The following DOCK4 variants were observed in gnomAD, a reference collection of about 807,000 sequenced individuals.
DOCK4 encodes dedicator of cytokinesis protein 4.
Under a neutral mutation model 268.1 loss-of-function variants are expected in DOCK4, and 97 were observed. That is an observed-to-expected ratio of 0.36 (90% CI 0.31 to 0.43). The LOEUF (loss-of-function observed/expected upper bound fraction) is 0.43, where lower values mean the gene tolerates loss of function less well. Among genes scored for constraint, DOCK4 ranks in the 20% least tolerant of loss-of-function variants. DOCK4 has a pLI of 1.00. For missense variants in DOCK4, 2,145 were observed against 2,455.7 expected (o/e 0.87, Z 2.67); for synonymous variants, 954 against 887.2 (o/e 1.08, Z -1.34).
intron 1 of DOCK4, among the ~76,000 whole-genome samples, chr7:112,141,006 C>T (rs574303903): frequency 6.6e-6 from 1 of 152,210 alleles, no homozygotes; most frequent in Non-Finnish European, 1.5e-5. Flanking sequence ...CTCCAAAACC[C>T]AGAGTCTACA....
chr7:111,974,326 A>G (rs1048371274), intron 8 of DOCK4, among the ~76,000 whole-genome samples: 15 of 152,092 alleles, frequency 9.9e-5, no homozygotes, highest in Non-Finnish European at 8.8e-5. Context: ...TCTAGTAAGC[A>G]TATATTGTGA....
intron 8 of DOCK4, among the ~76,000 whole-genome samples, chr7:111,968,827 T>C (rs1797450591): frequency 2.0e-5 from 1 of 51,002 alleles, no homozygotes; most frequent in Non-Finnish European, 3.2e-5. Flanking sequence ...CCAACAATGA[T>C]AGACTGGATT....
intron 1 of DOCK4, among the ~76,000 whole-genome samples, chr7:112,196,663 G>A (rs541603569): frequency 6.6e-6 from 1 of 152,200 alleles, no homozygotes; most frequent in Non-Finnish European, 1.5e-5. Context: ...AAGGGGCAAT[G>A]GGTCTTCCTG....
chr7:112,155,060 T>A (rs3997354), intron 1 of DOCK4, among the ~76,000 whole-genome samples: 79,013 of 152,058 alleles, frequency 0.52, 20,701 homozygotes, highest in East Asian at 0.69. Flanking sequence ...AGATGTTGTT[T>A]TTCCAATTTA....
chr7:111,970,329 A>G (rs1162117671), intron 8 of DOCK4, among the ~76,000 whole-genome samples: 2 of 146,776 alleles, frequency 1.4e-5, no homozygotes, highest in Non-Finnish European at 1.5e-5. Context: ...AAAAAAAAAG[A>G]AAAAAAAACT....
chr7:111,935,621 T>G lies in DOCK4; in HGVS notation c.985A>C (p.Thr329Pro), dbSNP rs1454770463. ...TGGATTTGGTACCACTCACTCTCTG[T>G]GTTACACCTATGAAAACATTAACAC... The part of the protein sequence containing the change: ...DLILKVYMCN[T>P]ESEWYQIHEN... The change falls in exon 12 of 53, where the codon ACA (threonine) becomes CCA (proline). Residue 329 changes from threonine to proline, a missense_variant. This residue lies in a region of DOCK4 where 1,598 missense variants were observed against 1,986.7 expected (regional missense o/e 0.80). Transcript: ENST00000428084. The G allele has an allele frequency of 1.2e-6, 2 of 1,613,466 alleles. No individual in the cohort carries two copies. Among genetic ancestry groups the G allele is most frequent in the Non-Finnish European group, 1.7e-6 (2 of 1,179,592 alleles).
chr7:111,989,238 G>A, intron 5 of DOCK4, 75 bp from the exon 6 acceptor site: 1 of 1,573,786 alleles, frequency 6.4e-7, no homozygotes, highest in Non-Finnish European at 8.6e-7. Flanking sequence ...AAAGGAAAGG[G>A]AAGAGGCCCA....
chr7:111,909,976 AG>A (rs1166235681), intron 13 of DOCK4, among the ~76,000 whole-genome samples: 11 of 151,238 alleles, frequency 7.3e-5, no homozygotes, highest in Non-Finnish European at 1.0e-4. Flanking sequence ...AAAAGAAAAA[AG>A]AAAAAAAAAA....
At chr7:112,205,997 A>T in intron 1 of DOCK4, 105 bp downstream of exon 1, 1 of 1,273,686 alleles carries the variant, frequency 7.9e-7, no homozygotes, top group Non-Finnish European at 1.1e-6. Context: ...TGCCAGGATT[A>T]GGCATTTTCA....
At chr7:111,930,266 T>C (rs1267614401) in intron 12 of DOCK4, among the ~76,000 whole-genome samples, 1 of 152,234 alleles carries the variant, frequency 6.6e-6, no homozygotes, top group Non-Finnish European at 1.5e-5. Flanking sequence ...TGCAATTTTC[T>C]CCCAGTTTCT....
intron 17 of DOCK4, among the ~76,000 whole-genome samples, chr7:111,876,734 G>T (rs370272221): frequency 1.4e-5 from 2 of 148,094 alleles, no homozygotes; most frequent in Non-Finnish European, 3.0e-5. Flanking sequence ...CGAGATTAAG[G>T]TGTTGGTATT....
At chr7:111,978,075 ATGT>A (rs921666661) in intron 7 of DOCK4, among the ~76,000 whole-genome samples, 5 of 152,198 alleles carry the variant, frequency 3.3e-5, no homozygotes, top group Non-Finnish European at 7.4e-5. Flanking sequence ...AGTATCTCCT[ATGT>A]ACCAAGCCCT....
rs528296537 is a variant in DOCK4, at chr7:112,050,793, G to C, written c.38-46662C>G. The stretch of plus-strand genomic sequence containing the variant: ...TCCCGATTTTTTTACTGATTTGAAA[G>C]TCTGCATAAGTTTTCATGTTGTCAA... On this transcript the variant is annotated intron_variant, in intron 1 of 52. Transcript: ENST00000428084. Among the ~76,000 whole-genome samples the C allele has an allele frequency of 1.2e-4, 19 of 152,208 alleles. 2 individuals are homozygous for C. The highest frequency in any genetic ancestry group is 4.1e-4 in the African/African-American group (17 of 41,562).
intron 5 of DOCK4, among the ~76,000 whole-genome samples, chr7:111,992,485 C>A (rs1440539777): frequency 6.6e-6 from 1 of 152,148 alleles, no homozygotes; most frequent in Non-Finnish European, 1.5e-5. Flanking sequence ...TTTCTAATGG[C>A]ACTGACTACC....
At chr7:111,810,520 C>G (rs1255184438) in intron 28 of DOCK4, among the ~76,000 whole-genome samples, 1 of 151,610 alleles carries the variant, frequency 6.6e-6, no homozygotes. Context: ...TGATCAATAA[C>G]TAGTAACTAG....
chr7:112,155,755 A>T (rs981066422), intron 1 of DOCK4, among the ~76,000 whole-genome samples: 1 of 152,016 alleles, frequency 6.6e-6, no homozygotes, highest in Admixed American at 6.6e-5. Flanking sequence ...AAGGTAATGG[A>T]CGGTAGTATT....
rs796444724 is a variant in DOCK4, at chr7:111,870,323, C to CTTT, written c.2028-671_2028-669dup. 3.8e-5 allele frequency among the ~76,000 whole-genome samples: 5 copies of CTTT among 131,352 alleles called. No homozygotes were observed. In the South Asian group the frequency reaches 7.3e-4, roughly 19 times the overall value. The allele number at this position is 131,352 out of a possible 152,430, so 86.2% of individuals were successfully genotyped here. A position where few individuals can be genotyped will look rare whatever the true frequency, so the allele number is the denominator to read the frequency against. ...GGTTTCTCTTTTTTCTTTTTCTTTT[C>CTTT]TTTTTTTTTTTTTTTTTTGAGACAG... On this transcript the variant is annotated intron_variant, in intron 20 of 52. Transcript: ENST00000428084.
intron 1 of DOCK4, among the ~76,000 whole-genome samples, chr7:112,088,816 T>C (rs1056866284): frequency 1.3e-5 from 2 of 152,142 alleles, no homozygotes; most frequent in Non-Finnish European, 2.9e-5. Flanking sequence ...AACCCCTTTG[T>C]CCCTCAGTTT....
At chr7:112,020,572 C>T (rs558751855) in intron 1 of DOCK4, among the ~76,000 whole-genome samples, 116 of 151,034 alleles carry the variant, frequency 7.7e-4, no homozygotes, top group African/African-American at 2.3e-3. Flanking sequence ...CCGACTTAAA[C>T]GATCATACCT....
Sources: gnomAD v4.1 joint callset for allele counts (sites outside exome capture counted in the v4.1 genomes callset) on GRCh38, gnomAD v4.1.1 for gene constraint, gnomAD v4.1.1 regional missense constraint, MANE v1.5 for transcripts, NCBI Gene and HGNC (gene_info 2026-07-23, HGNC 2026-07-21) for gene names.